Variants in TRIM2 observed in about 807,000 individuals in gnomAD.
TRIM2 encodes the protein tripartite motif containing 2.
In TRIM2, 20 loss-of-function variants were observed where a neutral mutation model predicts 75.2. The ratio of observed to expected loss-of-function variants is 0.27; its 90% CI spans 0.19 to 0.39. TRIM2 has a LOEUF of 0.39. Among genes scored for constraint, TRIM2 ranks in the 10% least tolerant of loss-of-function variants. The probability of loss-of-function intolerance (pLI) is 1.00; values close to 1 mark genes in which losing one functional copy is unlikely to be tolerated. For synonymous variants in TRIM2, 373 were observed against 388.3 expected, an observed-to-expected ratio of 0.96 and a Z score of 0.46; for missense variants, 660 against 990.8, an observed-to-expected ratio of 0.67 and a Z score of 4.48.
At chr4:153,156,104 T>A (rs943654995) in intron 1 of TRIM2, among the ~76,000 whole-genome samples, 2 of 152,228 alleles carry the variant, frequency 1.3e-5, no homozygotes, top group African/African-American at 4.8e-5. Context: ...GTTTCGTGCT[T>A]GCTGAACAAA....
chr4:153,260,142 C>T (rs1753030693), intron 1 of TRIM2, among the ~76,000 whole-genome samples: 1 of 152,148 alleles, frequency 6.6e-6, no homozygotes, highest in African/African-American at 2.4e-5. Flanking sequence ...TCTCTTTTCC[C>T]TTCTTGCTAG....
Position 153,295,647 on chromosome 4 carries a change from C to A in TRIM2, c.1121C>A (p.Thr374Asn), listed in dbSNP as rs765928565. ...QTIIGQPMSV[T>N]ITTKDKDGEL... ...ATCATCGGGCAGCCCATGTCCGTCA[C>A]CATCACCACCAAGGACAAAGACGGT... is the stretch of plus-strand genomic sequence containing the variant. The change falls in exon 6 of 12, where the codon ACC (threonine) becomes AAC (asparagine). Residue 374 changes from threonine to asparagine, a missense_variant. Around this residue, in one of 2 missense-constraint regions of TRIM2, gnomAD observed 620 missense variants for 891.0 expected, o/e 0.70. Transcript: ENST00000338700. The surrounding 1 kb of genome is among the most constrained non-coding windows in gnomAD (Gnocchi z 7.2). 9 of 1,614,030 alleles carry A rather than the reference C, an allele frequency of 5.6e-6. No individual in the cohort carries two copies. The Admixed American group carries it at 1.5e-4, about 27-fold the overall frequency.
upstream of TRIM2, chr4:153,152,351 T>C (rs1223848933): frequency 6.6e-6 from 1 of 150,924 alleles, no homozygotes; most frequent in Non-Finnish European, 1.5e-5. Flanking sequence ...GCCTGGGGCG[T>C]GGTCGCCGGG....
intron 6 of TRIM2, among the ~76,000 whole-genome samples, chr4:153,314,442 A>AG (rs1413416595): frequency 6.7e-6 from 1 of 149,894 alleles, no homozygotes; most frequent in Non-Finnish European, 1.5e-5. Context: ...AAAAAAAAAA[A>AG]AGAGAGTCTA....
intron 7 of TRIM2, 35 bp downstream of exon 7, chr4:153,315,623 T>C (rs751933689): frequency 9.2e-6 from 14 of 1,518,864 alleles, no homozygotes; most frequent in East Asian, 2.3e-5. Flanking sequence ...TAACTACTTA[T>C]ATTGATAAAA....
intron 1 of TRIM2, among the ~76,000 whole-genome samples, chr4:153,262,844 T>C (rs1488309225): frequency 6.6e-6 from 1 of 152,240 alleles, no homozygotes; most frequent in Non-Finnish European, 1.5e-5. Flanking sequence ...AGAAGCAAGA[T>C]GGAGTCACCT....
intron 1 of TRIM2, among the ~76,000 whole-genome samples, chr4:153,217,842 C>G (rs529646745): frequency 2.2e-4 from 33 of 152,214 alleles, no homozygotes; most frequent in African/African-American, 7.9e-4. Flanking sequence ...CAGATTTTCT[C>G]CAAGTTCTCC....
At chr4:153,285,945 CTT>C (rs1164746957) in intron 3 of TRIM2, among the ~76,000 whole-genome samples, 1 of 152,162 alleles carries the variant, frequency 6.6e-6, no homozygotes, top group Non-Finnish European at 1.5e-5. Context: ...TGAATATCCT[CTT>C]GTTCTTGATT....
intron 3 of TRIM2, among the ~76,000 whole-genome samples, chr4:153,282,813 A>G (rs1759653986): frequency 6.6e-6 from 1 of 151,258 alleles, no homozygotes; most frequent in Admixed American, 6.6e-5. Context: ...GGAGACAAAA[A>G]AGTCTCACTC....
chr4:153,331,910 C>A (rs1771561637), intron 11 of TRIM2, among the ~76,000 whole-genome samples: 1 of 152,012 alleles, frequency 6.6e-6, no homozygotes. Context: ...ATGGCCTTTT[C>A]AACAAATGGG....
chr4:153,247,403 C>T (rs1749488924), intron 1 of TRIM2, among the ~76,000 whole-genome samples: 3 of 152,140 alleles, frequency 2.0e-5, no homozygotes, highest in Admixed American at 1.3e-4. Flanking sequence ...GCACCAGGCG[C>T]GGTCACTCAC....
chr4:153,194,943 A>G (rs1158960920), intron 1 of TRIM2, among the ~76,000 whole-genome samples: 1 of 152,174 alleles, frequency 6.6e-6, no homozygotes, highest in Admixed American at 6.5e-5. Context: ...GGGGCTTCTA[A>G]GTGGATTGAA....
At chr4:153,233,932 C>T (rs914772038) in intron 1 of TRIM2, among the ~76,000 whole-genome samples, 3 of 152,158 alleles carry the variant, frequency 2.0e-5, no homozygotes, top group African/African-American at 4.8e-5. Flanking sequence ...AAGGGGAGTA[C>T]AGGCACCGGG....
intron 1 of TRIM2, among the ~76,000 whole-genome samples, chr4:153,260,043 T>G (rs1753006059): frequency 6.6e-6 from 1 of 152,194 alleles, no homozygotes; most frequent in Admixed American, 6.5e-5. Flanking sequence ...AACAACAGAA[T>G]TAAATAATGT....
At chr4:153,249,009 AGTCGGGAGAACT>A (rs1750062668) in intron 1 of TRIM2, among the ~76,000 whole-genome samples, 2 of 152,276 alleles carry the variant, frequency 1.3e-5, no homozygotes, top group Non-Finnish European at 2.9e-5. Flanking sequence ...AAAAGGCCAC[AGTCGGGAGAACT>A]CCTGTTGCTG....
chr4:153,228,318 C>T (rs11725806), intron 1 of TRIM2, among the ~76,000 whole-genome samples: 17 of 152,178 alleles, frequency 1.1e-4, no homozygotes, highest in Non-Finnish European at 2.1e-4. Context: ...ACAGAAGTAC[C>T]CATGGGTCCT....
chr4:153,220,712 A>AT (rs59437217), intron 1 of TRIM2, among the ~76,000 whole-genome samples: 1 of 152,266 alleles, frequency 6.6e-6, no homozygotes, highest in African/African-American at 2.4e-5. Context: ...TTAAAAATAA[A>AT]TTTTTTTAAA....
At chr4:153,215,236 G>T (rs1441124405) in intron 1 of TRIM2, among the ~76,000 whole-genome samples, 1 of 152,086 alleles carries the variant, frequency 6.6e-6, no homozygotes, top group Non-Finnish European at 1.5e-5. Flanking sequence ...GATGTAGACT[G>T]GGAACTGATT....
intron 3 of TRIM2, among the ~76,000 whole-genome samples, chr4:153,288,351 C>T (rs902582582): frequency 1.3e-5 from 2 of 152,074 alleles, no homozygotes; most frequent in South Asian, 2.1e-4. Context: ...ACAGGAGAAT[C>T]GCTTGAACTT....
Sources: allele counts gnomAD v4.1 joint callset (sites outside exome capture counted in the v4.1 genomes callset), GRCh38; gene constraint gnomAD v4.1.1; regional missense constraint gnomAD v4.1.1; non-coding constraint Gnocchi (gnomAD v3.1); transcripts MANE v1.5; gene names NCBI Gene and HGNC (gene_info 2026-07-23, HGNC 2026-07-21).